The following VDAC1 variants were observed in gnomAD, a reference collection of about 807,000 sequenced individuals.
VDAC1 encodes non-selective voltage-gated ion channel VDAC1.
Under a neutral mutation model 34.7 loss-of-function variants are expected in VDAC1, and 10 were observed. The ratio of observed to expected loss-of-function variants is 0.29; its 90% confidence interval spans 0.18 to 0.49. VDAC1 has a LOEUF of 0.49. Ranked by LOEUF, VDAC1 falls within the 20% of genes least tolerant of loss-of-function variation. The probability of loss-of-function intolerance (pLI) is 0.99; values close to 1 mark genes in which losing one functional copy is unlikely to be tolerated. For missense variants in VDAC1, 230 were observed against 347.9 expected (o/e 0.66, Z 2.69); for synonymous variants, 130 against 136.0 (o/e 0.96, Z 0.30).
the VDAC1 span, among the ~76,000 whole-genome samples, chr5:134,046,219 G>A: frequency 1.1e-4 from 17 of 151,672 alleles, no homozygotes; most frequent in South Asian, 4.2e-4. Flanking sequence ...TAGTAGAGAC[G>A]GGGTTTCATC....
chr5:134,043,919 T>C, the VDAC1 span, among the ~76,000 whole-genome samples: 3 of 152,266 alleles, frequency 2.0e-5, no homozygotes, highest in East Asian at 5.8e-4. Context: ...TTGACTTCCA[T>C]TCTCTCACCT....
the VDAC1 span, among the ~76,000 whole-genome samples, chr5:134,101,491 C>T: frequency 6.6e-6 from 1 of 150,890 alleles, no homozygotes; most frequent in Admixed American, 6.6e-5. Context: ...ACTCAGGAGG[C>T]TGACGTTGCA....
chr5:134,000,417 C>A (rs902321823), intron 1 of VDAC1, among the ~76,000 whole-genome samples: 4 of 152,186 alleles, frequency 2.6e-5, no homozygotes, highest in Admixed American at 1.3e-4. Flanking sequence ...CTCAGGGCAG[C>A]CTGCCCACCC....
At chr5:134,047,939 T>C in the VDAC1 span, among the ~76,000 whole-genome samples, 2 of 151,672 alleles carry the variant, frequency 1.3e-5, no homozygotes, top group African/African-American at 4.8e-5. Context: ...TTTTCTCTTT[T>C]TTTTTTTTTT....
At chr5:134,039,563 T>C in the VDAC1 span, among the ~76,000 whole-genome samples, 1 of 152,152 alleles carries the variant, frequency 6.6e-6, no homozygotes, top group Non-Finnish European at 1.5e-5. Flanking sequence ...TCTGCTGACC[T>C]CGTGATCCGC....
the VDAC1 span, among the ~76,000 whole-genome samples, chr5:134,020,450 G>A: frequency 1.3e-5 from 2 of 151,358 alleles, no homozygotes; most frequent in African/African-American, 4.9e-5. Context: ...CCCTTGTATC[G>A]CTAAACCCCA....
chr5:134,089,526 AG>A, the VDAC1 span, among the ~76,000 whole-genome samples: 1 of 152,222 alleles, frequency 6.6e-6, no homozygotes, highest in African/African-American at 2.4e-5. Flanking sequence ...ACATTAAGGC[AG>A]GGCTGCCCTG....
chr5:134,103,044 G>A, the VDAC1 span, among the ~76,000 whole-genome samples: 2 of 152,134 alleles, frequency 1.3e-5, no homozygotes, highest in African/African-American at 4.8e-5. Context: ...CCTCCCCTCT[G>A]AGGGCCGGCT....
At chr5:134,010,600 A>AAAC in the VDAC1 span, among the ~76,000 whole-genome samples, 13 of 152,092 alleles carry the variant, frequency 8.5e-5, no homozygotes, top group African/African-American at 2.9e-4. Context: ...CTTTGTCTCA[A>AAAC]AACAACAACA....
upstream of VDAC1, among the ~76,000 whole-genome samples, chr5:134,008,443 C>A (rs1236047249): frequency 2.0e-5 from 3 of 152,182 alleles, no homozygotes; most frequent in Admixed American, 2.0e-4. Context: ...TGAGATTTTT[C>A]TTTCATTGTT....
At chr5:134,036,555 A>G in the VDAC1 span, among the ~76,000 whole-genome samples, 1 of 151,986 alleles carries the variant, frequency 6.6e-6, no homozygotes, top group African/African-American at 2.4e-5. Flanking sequence ...CACTTCTAGT[A>G]AGATCTGTAG....
At chr5:134,110,717 A>G in the VDAC1 span, among the ~76,000 whole-genome samples, 1 of 152,212 alleles carries the variant, frequency 6.6e-6, no homozygotes, top group African/African-American at 2.4e-5. Flanking sequence ...CGCCGCTCAC[A>G]ACCTCTCCTT....
chr5:134,069,438 T>TC, the VDAC1 span, among the ~76,000 whole-genome samples: 1 of 152,072 alleles, frequency 6.6e-6, no homozygotes, highest in Non-Finnish European at 1.5e-5. Flanking sequence ...GGAATGATGA[T>TC]CCCCTCAGAG....
At chr5:134,110,727 T>G in the VDAC1 span, among the ~76,000 whole-genome samples, 2 of 152,244 alleles carry the variant, frequency 1.3e-5, no homozygotes, top group African/African-American at 4.8e-5. Flanking sequence ...AACCTCTCCT[T>G]GCTGTAATTT....
chr5:134,033,674 G>A, the VDAC1 span, among the ~76,000 whole-genome samples: 24 of 132,498 alleles, frequency 1.8e-4, no homozygotes, highest in African/African-American at 4.1e-4. Flanking sequence ...GCCCAAAATG[G>A]AAAAAAAAAA....
intron 5 of VDAC1, among the ~76,000 whole-genome samples, chr5:133,983,882 CTCTT>C (rs1312679883): frequency 3.3e-5 from 5 of 152,084 alleles, no homozygotes; most frequent in Non-Finnish European, 7.4e-5. Context: ...CACTCTCTCT[CTCTT>C]GCTCCTGCTC....
chr5:134,000,412 G>T (rs1324047278), intron 1 of VDAC1, among the ~76,000 whole-genome samples: 1 of 152,170 alleles, frequency 6.6e-6, no homozygotes, highest in Non-Finnish European at 1.5e-5. Flanking sequence ...GCTGACTCAG[G>T]GCAGCCTGCC....
At chr5:134,023,263 G>A in the VDAC1 span, among the ~76,000 whole-genome samples, 2 of 152,064 alleles carry the variant, frequency 1.3e-5, no homozygotes, top group African/African-American at 2.4e-5. Context: ...CTCATAAGTG[G>A]GAGTTGAACA....
chr5:134,109,342 C>G, the VDAC1 span, among the ~76,000 whole-genome samples: 3 of 152,150 alleles, frequency 2.0e-5, no homozygotes, highest in Non-Finnish European at 2.9e-5. Flanking sequence ...CAGGCGTATT[C>G]CTCTGTGAAG....
Sources: gnomAD v4.1 joint callset for allele counts (sites outside exome capture counted in the v4.1 genomes callset) on GRCh38, gnomAD v4.1.1 for gene constraint, MANE v1.5 for transcripts, NCBI Gene and HGNC (gene_info 2026-07-23, HGNC 2026-07-21) for gene names.